Variants in ZNF112 observed in about 807,000 individuals in gnomAD.
ZNF112 encodes zinc finger protein 112 (Y14).
A neutral mutation model predicts 77.7 loss-of-function variants in ZNF112; 37 were observed. That is an observed-to-expected ratio of 0.48 (90% confidence interval 0.37 to 0.63). The LOEUF (loss-of-function observed/expected upper bound fraction) is 0.63. ZNF112 is among the 20% of genes least tolerant of loss of function. ZNF112 has a pLI of 0.00. For synonymous variants in ZNF112, 333 were observed against 363.6 expected (o/e 0.92, Z 0.96); for missense variants, 950 against 1,077.4 (o/e 0.88, Z 1.66).
chr19:44,344,473 G>C (rs1357388433), intron 1 of ZNF112, among the ~76,000 whole-genome samples: 1 of 152,174 alleles, frequency 6.6e-6, no homozygotes, highest in Non-Finnish European at 1.5e-5. Flanking sequence ...GTAGGCACCT[G>C]CTCCCTCCTG....
intron 1 of ZNF112, among the ~76,000 whole-genome samples, chr19:44,351,587 T>C (rs1263144081): frequency 2.0e-5 from 3 of 152,112 alleles, no homozygotes; most frequent in Non-Finnish European, 2.9e-5. Context: ...AATCATTATA[T>C]CTTAAATTTT....
upstream of ZNF112, among the ~76,000 whole-genome samples, chr19:44,359,099 A>G (rs1039017538): frequency 2.6e-5 from 4 of 152,004 alleles, no homozygotes; most frequent in African/African-American, 9.7e-5. Flanking sequence ...AAGTCCTAAC[A>G]CTGCAGGGCC....
upstream of ZNF112, among the ~76,000 whole-genome samples, chr19:44,361,118 T>C (rs1265352404): frequency 6.6e-6 from 1 of 152,204 alleles, no homozygotes; most frequent in East Asian, 1.9e-4. Context: ...ATTCCACTTG[T>C]ACGAAGTTCA....
intron 1 of ZNF112, among the ~76,000 whole-genome samples, chr19:44,365,763 A>C (rs1970898253): frequency 6.6e-6 from 1 of 152,024 alleles, no homozygotes; most frequent in African/African-American, 2.4e-5. Context: ...AGGTTTATAA[A>C]CTATATTGAT....
intron 1 of ZNF112, among the ~76,000 whole-genome samples, chr19:44,349,010 T>C (rs978878740): frequency 4.6e-5 from 7 of 152,088 alleles, no homozygotes; most frequent in African/African-American, 9.7e-5. Flanking sequence ...TACTTTTTAA[T>C]GGTTGAAAAA....
At chr19:44,339,182 A>G (rs1056915553) in intron 2 of ZNF112, among the ~76,000 whole-genome samples, 4 of 152,234 alleles carry the variant, frequency 2.6e-5, no homozygotes, top group Non-Finnish European at 5.9e-5. Flanking sequence ...CTTTTTATAA[A>G]ACAGACTGTG....
chr19:44,361,089 A>C (rs2123227854), upstream of ZNF112, among the ~76,000 whole-genome samples: 1 of 152,336 alleles, frequency 6.6e-6, no homozygotes, highest in African/African-American at 2.4e-5. Flanking sequence ...AACTAGACAA[A>C]CCCAGTAGAT....
At chr19:44,365,297 T>C (rs1970892599) in intron 1 of ZNF112, among the ~76,000 whole-genome samples, 1 of 151,924 alleles carries the variant, frequency 6.6e-6, no homozygotes, top group Non-Finnish European at 1.5e-5. Flanking sequence ...CTACAAAAGA[T>C]ACAAAAAATT....
rs140493731 is a variant in ZNF112, at chr19:44,353,020, C to T, written c.-4+3606G>A. 4.2e-3 allele frequency among the ~76,000 whole-genome samples: 645 copies of T among 152,004 alleles called. 5 individuals carry two copies. Among genetic ancestry groups the T allele is most frequent in the African/African-American group, 0.015 (605 of 41,502 alleles). ...TGGAAAGGCAAAGGAACCAGAATAGCTAAAAGCAATTTTGGAAAAAAAGAA... is the reference window on the plus strand; with the variant it reads ...TGGAAAGGCAAAGGAACCAGAATAGTTAAAAGCAATTTTGGAAAAAAAGAA... On this transcript the variant is annotated intron_variant, in intron 1 of 3. Coordinates refer to ENST00000354340, the MANE Select transcript of ZNF112 (RefSeq NM_013380.4).
chr19:44,354,285 G>A (rs975557906), intron 1 of ZNF112, among the ~76,000 whole-genome samples: 2 of 151,982 alleles, frequency 1.3e-5, no homozygotes, highest in African/African-American at 4.8e-5. Flanking sequence ...TTCTGACTAC[G>A]GTAGTCGTTA....
At chr19:44,333,276 CT>C (rs1239949599) in intron 3 of ZNF112, among the ~76,000 whole-genome samples, 3 of 152,154 alleles carry the variant, frequency 2.0e-5, no homozygotes, top group African/African-American at 7.2e-5. Context: ...TCTTCTTCTT[CT>C]TCTTCTTTAA....
Position 44,327,294 on chromosome 19 carries a change from T to C in ZNF112, c.*139A>G. ...AAATCCCTCGTGAAACCCCTCTCAT[T>C]AAATGTCTCTGTTGTGTGGTCTCCT... is the stretch of plus-strand genomic sequence containing the variant. On this transcript the variant is annotated 3_prime_UTR_variant, in exon 4 of 4. Coordinates refer to ENST00000354340, the MANE Select transcript of ZNF112 (RefSeq NM_013380.4). The C allele has an allele frequency of 4.4e-6, 3 of 675,910 alleles. No homozygotes were observed. Among genetic ancestry groups the C allele is most frequent in the Non-Finnish European group, 7.3e-6 (3 of 409,514 alleles). The allele number at this position is 675,910 out of a possible 1,614,324, so 41.9% of individuals were successfully genotyped here. A position where few individuals can be genotyped will look rare whatever the true frequency, so the allele number is the denominator to read the frequency against.
intron 3 of ZNF112, among the ~76,000 whole-genome samples, chr19:44,335,133 G>C (rs1216074908): frequency 6.6e-6 from 1 of 152,274 alleles, no homozygotes; most frequent in African/African-American, 2.4e-5. Context: ...CCTTGCATCA[G>C]CATGCCTGGA....
chr19:44,328,817 C>T lies in ZNF112; in HGVS notation c.1340G>A (p.Ser447Asn). The T allele has an allele frequency of 6.2e-7, 1 of 1,614,050 alleles. No homozygotes were observed. The highest frequency in any genetic ancestry group is 2.2e-5 in the East Asian group (1 of 44,880). ...YNSEECGNGF[S>N]LASHFQDLQI... ...AAGGTCCTGAAAATGTGAGGCCAGA[C>T]TGAAGCCATTACCACACTCCTCAGA... The change falls in exon 4 of 4, where the codon AGT becomes AAT. Residue 447 changes from serine to asparagine, a missense_variant. Ser to Asn is a conservative substitution (Grantham distance 46). Coordinates refer to ENST00000354340, the MANE Select transcript of ZNF112 (RefSeq NM_013380.4).
Position 44,329,082 on chromosome 19 carries a change from C to T in ZNF112, c.1075G>A (p.Glu359Lys), listed in dbSNP as rs1366124897. ...TCTAAGCTATGACTGAAGGCTTTCT[C>T]ATAAATGTTGTGCCTATAGGACATC... ...GEMSYRHNIY[E>K]KAFSHSLDLN... The change falls in exon 4 of 4, where the codon GAG becomes AAG. Residue 359 changes from glutamate to lysine, a missense_variant. Physicochemically the swap from Glu to Lys is moderately conservative, Grantham distance 56. Around this residue, in one of 3 missense-constraint regions of ZNF112, gnomAD observed 560 missense variants for 557.3 expected, o/e 1.00. Coordinates refer to ENST00000354340, the MANE Select transcript of ZNF112 (RefSeq NM_013380.4). 6.2e-7 allele frequency: 1 copy of T among 1,613,888 alleles called. No individual in the cohort carries two copies. The highest frequency in any genetic ancestry group is 8.5e-7 in the Non-Finnish European group (1 of 1,179,986).
In ZNF112 at chr19:44,329,600, T is replaced by C. The variant is rs751272766; in HGVS notation, c.557A>G (p.His186Arg). The C allele has an allele frequency of 5.6e-6, 9 of 1,614,044 alleles. No individual in the cohort carries two copies. The highest frequency in any genetic ancestry group is 7.6e-6 in the Non-Finnish European group (9 of 1,180,024). The change falls in exon 4 of 4, where the codon CAT becomes CGT. Residue 186 changes from histidine to arginine, a missense_variant. Physicochemically the swap from His to Arg is conservative, Grantham distance 29. This residue lies in a region of ZNF112 where 560 missense variants were observed against 557.3 expected (regional missense o/e 1.00). Transcript: ENST00000354340. Reference protein sequence around the residue: ...SWRKMYLKESHNYQCRCQQIS... With the variant: ...SWRKMYLKESRNYQCRCQQIS... ...TTGCTGACATCTACACTGATAATTA[T>C]GTGACTCTTTCAGATACATTTTCCT...
intron 2 of ZNF112, among the ~76,000 whole-genome samples, chr19:44,337,386 T>G (rs879789240): frequency 0.19 from 9,331 of 50,314 alleles, 971 homozygotes; most frequent in Admixed American, 0.3. Flanking sequence ...TTATATATAA[T>G]AATATATATA....
chr19:44,349,853 A>G (rs920738672), intron 1 of ZNF112, among the ~76,000 whole-genome samples: 11 of 152,098 alleles, frequency 7.2e-5, no homozygotes, highest in African/African-American at 2.7e-4. Flanking sequence ...CAATGGGAAC[A>G]ACATTATGGT....
At chr19:44,354,907 T>C (rs1229164385) in intron 1 of ZNF112, among the ~76,000 whole-genome samples, 1 of 152,226 alleles carries the variant, frequency 6.6e-6, no homozygotes, top group Non-Finnish European at 1.5e-5. Context: ...GACCATTCTG[T>C]AAGCTTCAAC....
Sources: gnomAD v4.1 joint callset for allele counts (sites outside exome capture counted in the v4.1 genomes callset) on GRCh38, gnomAD v4.1.1 for gene constraint, gnomAD v4.1.1 regional missense constraint, MANE v1.5 for transcripts, NCBI Gene and HGNC (gene_info 2026-07-23, HGNC 2026-07-21) for gene names.